The following THSD4 variants were observed in gnomAD, a reference collection of about 807,000 sequenced individuals.
THSD4 encodes thrombospondin type 1 domain containing 4, also known as thrombospondin type-1 domain-containing protein 4.
Under a neutral mutation model 119.0 loss-of-function variants are expected in THSD4, and 69 were observed. The observed-to-expected ratio is 0.58, with a 90% CI of 0.48 to 0.71. THSD4 has a LOEUF of 0.71. THSD4 is among the 30% of genes least tolerant of loss of function. THSD4 has a pLI of 0.00. For missense variants in THSD4, 1,393 were observed against 1,391.1 expected (o/e 1.00, Z -0.02); for synonymous variants, 524 against 540.4 (o/e 0.97, Z 0.42).
chr15:71,267,477 AG>A (rs1242057117), intron 6 of THSD4, among the ~76,000 whole-genome samples: 1 of 152,256 alleles, frequency 6.6e-6, no homozygotes, highest in African/African-American at 2.4e-5. Flanking sequence ...AAATATGGAA[AG>A]GAAAAACCAG....
chr15:71,204,253 T>G (rs2140241106), intron 3 of THSD4, among the ~76,000 whole-genome samples: 1 of 152,310 alleles, frequency 6.6e-6, no homozygotes. Flanking sequence ...CAGGTCAATT[T>G]CAGAAAGAAG....
At chr15:71,172,173 A>G (rs570812882) in intron 3 of THSD4, 14 of 152,112 alleles carry the variant, frequency 9.2e-5, no homozygotes, top group African/African-American at 3.1e-4. Flanking sequence ...AAAAATATGA[A>G]AATTAGCTGG....
chr15:71,459,569 T>G (rs774094637), intron 7 of THSD4, among the ~76,000 whole-genome samples: 7 of 152,188 alleles, frequency 4.6e-5, no homozygotes, highest in Non-Finnish European at 1.5e-5. Flanking sequence ...TTGCATAAAG[T>G]AGAATATTTG....
chr15:71,425,595 A>C (rs2046857093), intron 7 of THSD4, among the ~76,000 whole-genome samples: 1 of 152,110 alleles, frequency 6.6e-6, no homozygotes, highest in African/African-American at 2.4e-5. Flanking sequence ...TCAGTCCCTA[A>C]CACTGCAGGC....
At chr15:71,154,953 G>A (rs763834710) in intron 3 of THSD4, 21 bp downstream of exon 3, 5 of 1,613,450 alleles carry the variant, frequency 3.1e-6, no homozygotes, top group Non-Finnish European at 4.2e-6. Flanking sequence ...GCCATCCAGA[G>A]GTTTTCTTCT....
chr15:71,129,544 A>G (rs2040484636), intron 1 of THSD4, among the ~76,000 whole-genome samples: 1 of 152,016 alleles, frequency 6.6e-6, no homozygotes, highest in African/African-American at 2.4e-5. Flanking sequence ...CCTCTGGGGG[A>G]CCCTTGACCT....
rs187156496 is a variant in THSD4 at position 71,606,799 on chromosome 15, C to T, written c.1153-53731C>T. 1.1e-3 allele frequency among the ~76,000 whole-genome samples: 174 copies of T among 152,278 alleles called. 1 individual carries two copies. In the East Asian group the frequency reaches 0.03, roughly 26 times the overall value. ...AGGTGATCCACCTGCCTCAGCCTCC[C>T]AGAGTGCTGGGATTACAGGCGTGAG... On this transcript the variant is annotated intron_variant, in intron 7 of 17. Transcript: ENST00000261862.
chr15:71,408,373 C>G (rs1327102198), intron 6 of THSD4, among the ~76,000 whole-genome samples: 1 of 152,060 alleles, frequency 6.6e-6, no homozygotes, highest in African/African-American at 2.4e-5. Flanking sequence ...GCTGGGACTA[C>G]AGGCGTGCAC....
chr15:71,377,699 G>A (rs1336794440), intron 6 of THSD4, among the ~76,000 whole-genome samples: 4 of 151,988 alleles, frequency 2.6e-5, no homozygotes, highest in Admixed American at 6.6e-5. Flanking sequence ...GCAGCTATTC[G>A]GGACCTAAGC....
intron 8 of THSD4, among the ~76,000 whole-genome samples, chr15:71,698,558 A>G (rs149174750): frequency 6.6e-6 from 1 of 151,792 alleles, no homozygotes; most frequent in Non-Finnish European, 1.5e-5. Flanking sequence ...AGCATTATTT[A>G]CAATGGCCAA....
intron 3 of THSD4, among the ~76,000 whole-genome samples, chr15:71,180,008 G>A (rs1230753519): frequency 5.8e-5 from 6 of 103,964 alleles, no homozygotes; most frequent in Non-Finnish European, 3.8e-5. Flanking sequence ...CGGGGGAGGG[G>A]GGAGGGATAG....
rs1195413080 is a variant in THSD4 at position 71,442,579 on chromosome 15, A to AAAAAATATATAT, written c.1152+30757_1152+30758insAAAATATATATA. 1.5e-4 allele frequency among the ~76,000 whole-genome samples: 6 copies of AAAAAATATATAT among 39,864 alleles called. No individual in the cohort carries two copies. The East Asian group carries it at 2.4e-3, about 16-fold the overall frequency. The allele number at this position is 39,864 out of a possible 152,430, so 26.2% of individuals were successfully genotyped here. ...GCAAAACTCCATCTCAAAAAAAAAA[A>AAAAAATATATAT]ATATATATATATATATATATATGTG... On this transcript the variant is annotated intron_variant, in intron 7 of 17. Coordinates refer to ENST00000261862, the MANE Select transcript of THSD4 (RefSeq NM_024817.3).
At chr15:71,302,143 C>T (rs541920318) in intron 6 of THSD4, among the ~76,000 whole-genome samples, 1 of 152,204 alleles carries the variant, frequency 6.6e-6, no homozygotes, top group African/African-American at 2.4e-5. Context: ...TGCCAAGTGT[C>T]GTTGTGAGTC....
At chr15:71,471,578 A>G (rs139449981) in intron 7 of THSD4, among the ~76,000 whole-genome samples, 241 of 151,826 alleles carry the variant, frequency 1.6e-3, no homozygotes, top group African/African-American at 5.6e-3. Context: ...GTCTTTTGCA[A>G]TGTGAAAGGC....
intron 6 of THSD4, among the ~76,000 whole-genome samples, chr15:71,281,961 C>T (rs113818333): frequency 0.046 from 7,062 of 152,226 alleles, 222 homozygotes; most frequent in Middle Eastern, 0.12. Context: ...TCACCTGCTC[C>T]GGGACTAAAG....
At chr15:71,473,709 TG>T (rs1275333614) in intron 7 of THSD4, among the ~76,000 whole-genome samples, 4 of 152,208 alleles carry the variant, frequency 2.6e-5, no homozygotes, top group Non-Finnish European at 5.9e-5. Flanking sequence ...ACCCCTGTTT[TG>T]GGGTGCTGTT....
intron 17 of THSD4, among the ~76,000 whole-genome samples, chr15:71,774,738 C>A (rs898872009): frequency 6.6e-6 from 1 of 150,652 alleles, no homozygotes; most frequent in African/African-American, 2.5e-5. Flanking sequence ...TGAACAGTCA[C>A]GGCACCTCAG....
intron 8 of THSD4, among the ~76,000 whole-genome samples, chr15:71,696,273 C>T (rs1005276501): frequency 6.6e-6 from 1 of 152,140 alleles, no homozygotes; most frequent in Non-Finnish European, 1.5e-5. Flanking sequence ...TGGAGAAGAT[C>T]AGAGGAGAAG....
At chr15:71,568,182 G>A (rs767260424) in intron 7 of THSD4, among the ~76,000 whole-genome samples, 1 of 151,858 alleles carries the variant, frequency 6.6e-6, no homozygotes, top group Non-Finnish European at 1.5e-5. Flanking sequence ...TTTTTTTAAC[G>A]AGGACTCCCT....
Sources: gnomAD v4.1 joint callset for allele counts (sites outside exome capture counted in the v4.1 genomes callset) on GRCh38, gnomAD v4.1.1 for gene constraint, MANE v1.5 for transcripts, NCBI Gene and HGNC (gene_info 2026-07-23, HGNC 2026-07-21) for gene names.